PACRGL: variants seen among roughly 807,000 people sequenced by gnomAD.
The protein encoded by PACRGL is PACRG-like protein.
PACRGL carries 38 observed loss-of-function variants against 34.5 expected under a neutral mutation model. The observed-to-expected ratio is 1.10, with a 90% CI of 0.85 to 1.44. The LOEUF is 1.44. PACRGL is among the 40% of genes most tolerant of loss of function. The pLI is 0.00. For missense variants in PACRGL, 305 were observed against 281.4 expected (o/e 1.08, Z -0.60); for synonymous variants, 128 against 100.1 (o/e 1.28, Z -1.66).
rs148181282 is a variant in PACRGL, at chr4:20,724,930, T to C, written c.690+42T>C. On this transcript the variant is annotated intron_variant, in intron 8 of 8. Coordinates refer to ENST00000503585, the MANE Select transcript of PACRGL (RefSeq NM_001258345.3). Reference sequence around the variant, plus strand: ...TCCTTAAGTCTTTTTTTTTAACTTTTAGGTGTATTACTAAATTGACATATA... The same window carrying C: ...TCCTTAAGTCTTTTTTTTTAACTTTCAGGTGTATTACTAAATTGACATATA... The C allele has an allele frequency of 2.2e-3, 2,521 of 1,162,928 alleles. 53 individuals carry two copies. In the South Asian group the frequency reaches 0.035, roughly 16 times the overall value. The allele number at this position is 1,162,928 out of a possible 1,614,324, so 72.0% of individuals were successfully genotyped here.
At chr4:20,722,379 A>G (rs970996691) in intron 7 of PACRGL, among the ~76,000 whole-genome samples, 1 of 152,184 alleles carries the variant, frequency 6.6e-6, no homozygotes, top group African/African-American at 2.4e-5. Flanking sequence ...CCGGTACCTC[A>G]GTTGGAAATG....
At chr4:20,706,852 G>A (rs535078935) in intron 3 of PACRGL, among the ~76,000 whole-genome samples, 7 of 152,136 alleles carry the variant, frequency 4.6e-5, no homozygotes, top group Non-Finnish European at 7.3e-5. Flanking sequence ...GGGATTACAG[G>A]CTTGAGCCAC....
intron 8 of PACRGL, among the ~76,000 whole-genome samples, chr4:20,750,259 A>T (rs150901498): frequency 6.6e-6 from 1 of 152,336 alleles, no homozygotes; most frequent in East Asian, 1.9e-4. Context: ...AATCTGGGAC[A>T]TGAACTTAGG....
Position 20,744,217 on chromosome 4 carries a change from T to C in PACRGL, c.*57-8348T>C, listed in dbSNP as rs184209443. 2.3e-3 allele frequency among the ~76,000 whole-genome samples: 354 copies of C among 152,318 alleles called. 8 individuals carry two copies. The South Asian group carries it at 0.046, about 20-fold the overall frequency. ...GAAGACTGGTGACTCCTCAAGGAGC[T>C]AGAACTAGAAATACCATTTGACCCA... On this transcript the variant is annotated intron_variant, in intron 8 of 8. Transcript: ENST00000507634.
upstream of PACRGL, among the ~76,000 whole-genome samples, chr4:20,697,704 G>A (rs191245733): frequency 2.7e-3 from 417 of 152,266 alleles, 6 homozygotes; most frequent in African/African-American, 9.7e-3. Context: ...GATTTCTCAT[G>A]GTTCTGGAGG....
At chr4:20,714,700 A>G (rs1231689955) in intron 7 of PACRGL, among the ~76,000 whole-genome samples, 2 of 152,052 alleles carry the variant, frequency 1.3e-5, no homozygotes, top group East Asian at 3.9e-4. Context: ...GCCTGGTGGA[A>G]ATGCAAATCA....
the PACRGL span, among the ~76,000 whole-genome samples, chr4:20,759,441 A>G: frequency 2.0e-5 from 3 of 152,164 alleles, no homozygotes; most frequent in African/African-American, 7.2e-5. Context: ...ATAGAACCCC[A>G]TATTTTTGAA....
chr4:20,764,599 G>T, the PACRGL span, among the ~76,000 whole-genome samples: 1 of 151,654 alleles, frequency 6.6e-6, no homozygotes, highest in Non-Finnish European at 1.5e-5. Context: ...CAGAAACGCT[G>T]CATCCATTCG....
Position 20,707,849 on chromosome 4 carries a change from C to CT in PACRGL, c.255dup (p.Lys86Ter). 6.2e-7 allele frequency: 1 copy of CT among 1,613,276 alleles called. No individual in the cohort carries two copies. The highest frequency in any genetic ancestry group is 8.5e-7 in the Non-Finnish European group (1 of 1,179,360). ...CCTTCTGCATTTGCAGCTATTTACT[C>CT]TAAAGGAGGTATTCCTTGCAGGTAA... On this transcript the variant is annotated frameshift_variant, in exon 4 of 9. Coordinates refer to ENST00000503585, the MANE Select transcript of PACRGL (RefSeq NM_001258345.3). LOFTEE classifies it high-confidence loss of function.
rs1257180193 is a variant in PACRGL at position 20,727,668 on chromosome 4, G to GCAAT, written c.*330_*333dup. ...TTTTATTTATAACAACACTTTTTTG[G>GCAAT]CAATCAGTTTGTAGCTGTGCCCTTA... is the stretch of plus-strand genomic sequence containing the variant. On this transcript the variant is annotated 3_prime_UTR_variant, in exon 9 of 9. Coordinates refer to ENST00000503585, the MANE Select transcript of PACRGL (RefSeq NM_001258345.3). The GCAAT allele has an allele frequency of 7.7e-5, 16 of 207,328 alleles. No individual in the cohort carries two copies. Among genetic ancestry groups the GCAAT allele is most frequent in the South Asian group, 3.6e-4 (3 of 8,306 alleles). The allele number at this position is 207,328 out of a possible 1,614,324, so 12.8% of individuals were successfully genotyped here. A position where few individuals can be genotyped will look rare whatever the true frequency, so the allele number is the denominator to read the frequency against.
At chr4:20,735,234 G>A (rs1277738697), downstream of PACRGL, among the ~76,000 whole-genome samples, 2 of 152,168 alleles carry the variant, frequency 1.3e-5, no homozygotes, top group Non-Finnish European at 2.9e-5. Flanking sequence ...AACTGGAAAG[G>A]ACAGACTGCC....
At chr4:20,765,732 C>T in the PACRGL span, among the ~76,000 whole-genome samples, 11 of 152,136 alleles carry the variant, frequency 7.2e-5, no homozygotes, top group Non-Finnish European at 1.6e-4. Flanking sequence ...GCCTGTGAAA[C>T]CCTTCACTGT....
chr4:20,719,500 AAT>A (rs1157650364), intron 7 of PACRGL, among the ~76,000 whole-genome samples: 1 of 152,210 alleles, frequency 6.6e-6, no homozygotes, highest in African/African-American at 2.4e-5. Flanking sequence ...CACTGCTTTA[AAT>A]ATGTCCCAGA....
At chr4:20,725,120 C>T (rs1745079009) in intron 8 of PACRGL, among the ~76,000 whole-genome samples, 1 of 152,138 alleles carries the variant, frequency 6.6e-6, no homozygotes, top group African/African-American at 2.4e-5. Flanking sequence ...GGCTTGTGTA[C>T]ACTTTCACAG....
rs143071683 is a variant in PACRGL at position 20,740,775 on chromosome 4, C to T, written c.*57-11790C>T. ...AAACGCACCAATTAAAAGACACAAA[C>T]TGGCAAATAGGATTGTCAAGATCCA... is the stretch of plus-strand genomic sequence containing the variant. On this transcript the variant is annotated intron_variant, in intron 8 of 8. Transcript: ENST00000507634. Among the ~76,000 whole-genome samples, 319 of 152,286 alleles carry T rather than the reference C, an allele frequency of 2.1e-3. 1 individual carries two copies. The highest frequency in any genetic ancestry group is 3.4e-3 in the Middle Eastern group (1 of 294).
intron 6 of PACRGL, 149 bp downstream of exon 6, chr4:20,713,071 G>A: frequency 1.2e-6 from 1 of 835,374 alleles, no homozygotes. Flanking sequence ...ACAGAATTAG[G>A]CAACTGTTAC....
intron 8 of PACRGL, 39 bp downstream of exon 8, chr4:20,724,927 T>C (rs1416385309): frequency 2.0e-5 from 22 of 1,096,010 alleles, no homozygotes; most frequent in Non-Finnish European, 2.7e-5. Context: ...TTTTTTTAAC[T>C]TTTAGGTGTA....
chr4:20,740,280 G>T (rs961926614), intron 8 of PACRGL, among the ~76,000 whole-genome samples: 1 of 152,052 alleles, frequency 6.6e-6, no homozygotes, highest in African/African-American at 2.4e-5. Flanking sequence ...CACATAAATT[G>T]TCAGATTCAC....
rs886967402 is a variant in PACRGL, at chr4:20,728,788, C to CTGAT, written c.*1449_*1452dup. On this transcript the variant is annotated 3_prime_UTR_variant, in exon 9 of 9. Coordinates refer to ENST00000503585, the MANE Select transcript of PACRGL (RefSeq NM_001258345.3). Reference sequence around the variant, plus strand: ...CCTATCTCTACACCAGAATAGATACCTGATTTATTGTTGCAAAGACAGTTG... The same window carrying CTGAT: ...CCTATCTCTACACCAGAATAGATACCTGATTGATTTATTGTTGCAAAGACAGTTG... 1.3e-5 allele frequency: 2 copies of CTGAT among 152,538 alleles called. No homozygotes were observed. The highest frequency in any genetic ancestry group is 2.4e-5 in the African/African-American group (1 of 41,422). The allele number at this position is 152,538 out of a possible 1,614,324, so 9.4% of individuals were successfully genotyped here.
Sources: gnomAD v4.1 joint callset for allele counts (sites outside exome capture counted in the v4.1 genomes callset) on GRCh38, gnomAD v4.1.1 for gene constraint, MANE v1.5 for transcripts, NCBI Gene and HGNC (gene_info 2026-07-23, HGNC 2026-07-21) for gene names.